ARHGAP26: variants seen among roughly 807,000 people sequenced by gnomAD.
ARHGAP26 encodes the protein Rho GTPase activating protein 26, also known as rho GTPase-activating protein 26.
ARHGAP26 carries 38 observed loss-of-function variants against 104.8 expected under a neutral mutation model. The observed-to-expected ratio is 0.36, with a 90% CI of 0.28 to 0.48. ARHGAP26 has a LOEUF of 0.48. Ranked by LOEUF, ARHGAP26 falls within the 20% of genes least tolerant of loss-of-function variation. ARHGAP26 has a pLI of 0.99. For missense variants in ARHGAP26, 704 were observed against 947.9 expected (o/e 0.74, Z 3.38); for synonymous variants, 341 against 340.0 (o/e 1.00, Z -0.03).
intron 12 of ARHGAP26, among the ~76,000 whole-genome samples, chr5:143,030,875 G>C (rs747810924): frequency 8.5e-5 from 13 of 152,260 alleles, no homozygotes; most frequent in Non-Finnish European, 1.6e-4. Flanking sequence ...TTGCCCTCAT[G>C]AATAAGTATT....
rs553339963 is a variant in ARHGAP26, at chr5:143,042,450, A to G, written c.1285+560A>G. 3.3e-5 allele frequency among the ~76,000 whole-genome samples: 5 copies of G among 152,358 alleles called. No homozygotes were observed. The South Asian group carries it at 1.0e-3, about 32-fold the overall frequency. Reference sequence around the variant, plus strand: ...AGAACCTCCTTTGCCACTGGCTGATATAAATACAAAGCAGTGTCTCCAAAT... The same window carrying G: ...AGAACCTCCTTTGCCACTGGCTGATGTAAATACAAAGCAGTGTCTCCAAAT... On this transcript the variant is annotated intron_variant, in intron 14 of 22. Transcript: ENST00000645722.
At chr5:143,150,953 T>A (rs1799772980) in intron 20 of ARHGAP26, among the ~76,000 whole-genome samples, 1 of 152,126 alleles carries the variant, frequency 6.6e-6, no homozygotes, top group Admixed American at 6.5e-5. Flanking sequence ...TTCTGCTCTG[T>A]GAAAGACACT....
chr5:142,964,543 A>AACACACAC (rs200282524), intron 11 of ARHGAP26, among the ~76,000 whole-genome samples: 1 of 74,684 alleles, frequency 1.3e-5, no homozygotes, highest in African/African-American at 4.6e-5. Context: ...CTCTGTTTAA[A>AACACACAC]ACACACACAC....
At chr5:143,128,828 TC>T (rs773521471) in intron 18 of ARHGAP26, among the ~76,000 whole-genome samples, 2 of 152,330 alleles carry the variant, frequency 1.3e-5, no homozygotes, top group Non-Finnish European at 2.9e-5. Flanking sequence ...TGCTTTGTAA[TC>T]CCCAGGCCTC....
intron 20 of ARHGAP26, among the ~76,000 whole-genome samples, chr5:143,180,712 A>G (rs573229286): frequency 4.6e-5 from 7 of 152,250 alleles, no homozygotes; most frequent in Admixed American, 2.0e-4. Context: ...AGAACTCACT[A>G]TCACGGAGCA....
intron 13 of ARHGAP26, 40 bp from the exon 14 acceptor site, chr5:143,041,776 G>T: frequency 3.5e-6 from 5 of 1,419,748 alleles, no homozygotes; most frequent in Non-Finnish European, 4.9e-6. Context: ...CTTGTGTTCT[G>T]ACGTGCCTCT....
chr5:142,785,713 T>C (rs187596368), intron 1 of ARHGAP26, among the ~76,000 whole-genome samples: 87 of 152,342 alleles, frequency 5.7e-4, no homozygotes, highest in African/African-American at 2.1e-3. Context: ...GAAATGGTGA[T>C]GTTTGGGGGT....
At chr5:143,120,756 A>G (rs554043810) in intron 17 of ARHGAP26, among the ~76,000 whole-genome samples, 46 of 152,210 alleles carry the variant, frequency 3.0e-4, no homozygotes, top group Admixed American at 5.2e-4. Flanking sequence ...TGTTCTAGGC[A>G]AAATGGAAAT....
Position 143,166,101 on chromosome 5 carries a change from A to G in ARHGAP26, c.1988+18720A>G, listed in dbSNP as rs1186945513. On this transcript the variant is annotated intron_variant, in intron 20 of 22. Coordinates refer to ENST00000645722, the MANE Select transcript of ARHGAP26 (RefSeq NM_001135608.3). ...CCTGCTTCGTGATGGGCACAAGGTG[A>G]GAAGGGAGGCTGCCCTCTGGGTTCC... 4 of 1,308,980 alleles carry G rather than the reference A, an allele frequency of 3.1e-6. No individual in the cohort carries two copies. The Admixed American group carries it at 7.4e-5, about 24-fold the overall frequency. The allele number at this position is 1,308,980 out of a possible 1,614,324, so 81.1% of individuals were successfully genotyped here. A position where few individuals can be genotyped will look rare whatever the true frequency, so the allele number is the denominator to read the frequency against.
In ARHGAP26 at chr5:143,054,755, CTA is replaced by C. The variant is rs1274291248; in HGVS notation, c.1373+233_1373+234del. Among the ~76,000 whole-genome samples the C allele has an allele frequency of 6.6e-5, 10 of 152,266 alleles. No individual in the cohort carries two copies. In the East Asian group the frequency reaches 1.5e-3, roughly 23 times the overall value. On this transcript the variant is annotated intron_variant, in intron 15 of 22. Transcript: ENST00000645722. ...CCTGAGTGATTTAGGAAACTTTGTTCTATATGAGAAGTATTGTGATAATTAGC... is the reference window on the plus strand; with the variant it reads ...CCTGAGTGATTTAGGAAACTTTGTTCTATGAGAAGTATTGTGATAATTAGC...
chr5:143,047,914 A>G (rs760243365), intron 14 of ARHGAP26, among the ~76,000 whole-genome samples: 6 of 151,788 alleles, frequency 4.0e-5, no homozygotes, highest in Non-Finnish European at 8.8e-5. Flanking sequence ...TAAGTGTTGC[A>G]GTGAGGTAGG....
chr5:143,092,443 C>T lies in ARHGAP26; in HGVS notation c.1539-28545C>T, dbSNP rs61255687. The stretch of plus-strand genomic sequence containing the variant: ...CCTCCCAAAGTGCTGGGATTACAGG[C>T]GTGAGCCACTGCACCCGGCCACATC... On this transcript the variant is annotated intron_variant, in intron 17 of 22. Coordinates refer to ENST00000645722, the MANE Select transcript of ARHGAP26 (RefSeq NM_001135608.3). 7.4e-3 allele frequency among the ~76,000 whole-genome samples: 1,133 copies of T among 152,258 alleles called. 12 individuals are homozygous for T. The highest frequency in any genetic ancestry group is 0.025 in the African/African-American group (1,051 of 41,540).
chr5:143,069,163 C>G (rs1012141505), intron 17 of ARHGAP26, among the ~76,000 whole-genome samples: 1 of 152,206 alleles, frequency 6.6e-6, no homozygotes, highest in Admixed American at 6.5e-5. Context: ...AGCTCCTTCA[C>G]TCCCTACCTA....
chr5:143,222,295 C>A (rs1287206024), intron 22 of ARHGAP26, 63 bp from the exon 23 acceptor site: 30 of 1,201,678 alleles, frequency 2.5e-5, no homozygotes, highest in Non-Finnish European at 3.5e-6. Flanking sequence ...CCCACACACA[C>A]ATCTGCCGCC....
chr5:142,816,635 G>T (rs913175730), intron 1 of ARHGAP26, among the ~76,000 whole-genome samples: 2 of 152,250 alleles, frequency 1.3e-5, no homozygotes, highest in Non-Finnish European at 2.9e-5. Flanking sequence ...GTGAAGTGCA[G>T]TGTGGCTTCA....
At chr5:142,788,894 G>C (rs9324897) in intron 1 of ARHGAP26, among the ~76,000 whole-genome samples, 64,042 of 152,112 alleles carry the variant, frequency 0.42, 18,441 homozygotes, top group African/African-American at 0.83. Context: ...GTTTTATAAA[G>C]TTTATTTCAT....
chr5:142,776,157 T>TG (rs1413879389), intron 1 of ARHGAP26, among the ~76,000 whole-genome samples: 1 of 152,146 alleles, frequency 6.6e-6, no homozygotes, highest in Non-Finnish European at 1.5e-5. Flanking sequence ...TTTGTGGAGA[T>TG]GGGGGTCTCA....
intron 6 of ARHGAP26, among the ~76,000 whole-genome samples, chr5:142,901,136 G>C (rs1008157960): frequency 6.6e-6 from 1 of 152,160 alleles, no homozygotes; most frequent in Non-Finnish European, 1.5e-5. Flanking sequence ...GTTTAGTTTG[G>C]ATAAATGAAG....
intron 17 of ARHGAP26, among the ~76,000 whole-genome samples, chr5:143,106,560 C>T (rs544200319): frequency 6.6e-6 from 1 of 150,636 alleles, no homozygotes; most frequent in Non-Finnish European, 1.5e-5. Context: ...GCAACCTCCG[C>T]CTCCCGGGTT....
Sources: gnomAD v4.1 joint callset for allele counts (sites outside exome capture counted in the v4.1 genomes callset) on GRCh38, gnomAD v4.1.1 for gene constraint, MANE v1.5 for transcripts, NCBI Gene and HGNC (gene_info 2026-07-23, HGNC 2026-07-21) for gene names.